ARK2N: variants seen among roughly 807,000 people sequenced by gnomAD.
The protein encoded by ARK2N is protein ARK2N.
the ARK2N span, among the ~76,000 whole-genome samples, chr18:46,254,766 A>G: frequency 2.0e-5 from 3 of 152,164 alleles, no homozygotes; most frequent in African/African-American, 4.8e-5. Flanking sequence ...TGAAAAGTCA[A>G]TACCTTTGCA....
the ARK2N span, among the ~76,000 whole-genome samples, chr18:46,198,773 A>G: frequency 6.6e-6 from 1 of 151,946 alleles, no homozygotes; most frequent in Non-Finnish European, 1.5e-5. Context: ...TAATTTTTGT[A>G]TTTTAAGTAG....
chr18:46,227,951 C>T, the ARK2N span, among the ~76,000 whole-genome samples: 1 of 151,908 alleles, frequency 6.6e-6, no homozygotes, highest in Non-Finnish European at 1.5e-5. Context: ...TTAATTTTGA[C>T]CAGTAGAGGT....
At chr18:46,177,228 A>G in the ARK2N span, among the ~76,000 whole-genome samples, 1 of 152,098 alleles carries the variant, frequency 6.6e-6, no homozygotes, top group Non-Finnish European at 1.5e-5. Context: ...GGGGAGAGCT[A>G]TATAGAAGGG....
chr18:46,215,574 G>T, the ARK2N span, among the ~76,000 whole-genome samples: 3 of 152,040 alleles, frequency 2.0e-5, no homozygotes, highest in African/African-American at 7.3e-5. Context: ...TTACATGTTG[G>T]CCTTTCAAGT....
At chr18:46,243,595 C>G in the ARK2N span, among the ~76,000 whole-genome samples, 2 of 152,052 alleles carry the variant, frequency 1.3e-5, no homozygotes, top group African/African-American at 2.4e-5. Flanking sequence ...AAAAGTAAGT[C>G]GAAATTAGAG....
At chr18:46,173,962 G>T in the ARK2N span, 2 of 152,234 alleles carry the variant, frequency 1.3e-5, no homozygotes, top group Non-Finnish European at 2.9e-5. Flanking sequence ...GGCCTCGGGC[G>T]CCAGTCTCCA....
the ARK2N span, among the ~76,000 whole-genome samples, chr18:46,206,761 C>G: frequency 2.0e-5 from 3 of 152,012 alleles, no homozygotes; most frequent in Non-Finnish European, 4.4e-5. Flanking sequence ...CCTCCTCTCT[C>G]TGCCATAGCC....
chr18:46,197,368 G>A, the ARK2N span, among the ~76,000 whole-genome samples: 1 of 152,012 alleles, frequency 6.6e-6, no homozygotes, highest in South Asian at 2.1e-4. Flanking sequence ...CCTAGTAGCT[G>A]GGATTACAGG....
the ARK2N span, among the ~76,000 whole-genome samples, chr18:46,231,566 C>CTTT: frequency 2.0e-5 from 2 of 100,776 alleles, no homozygotes; most frequent in African/African-American, 3.8e-5. Flanking sequence ...AGGTTTGGGG[C>CTTT]TTTTTTTTTT....
chr18:46,203,776 G>A, the ARK2N span, among the ~76,000 whole-genome samples: 1 of 152,160 alleles, frequency 6.6e-6, no homozygotes, highest in South Asian at 2.1e-4. Flanking sequence ...TAGTAGAGAT[G>A]GGGTTTTGCC....
At chr18:46,216,469 A>G in the ARK2N span, 6 of 1,614,176 alleles carry the variant, frequency 3.7e-6, no homozygotes, top group Non-Finnish European at 5.1e-6. The surrounding 1 kb of genome is among the most constrained non-coding windows in gnomAD (Gnocchi z 4.3). Context: ...TGCAAGGAAG[A>G]AATATAACCT....
chr18:46,201,934 C>A, the ARK2N span, among the ~76,000 whole-genome samples: 1 of 151,918 alleles, frequency 6.6e-6, no homozygotes, highest in African/African-American at 2.4e-5. Context: ...GGCGCCATTA[C>A]GCCTGGCTAA....
At chr18:46,199,482 AT>A in the ARK2N span, among the ~76,000 whole-genome samples, 46,921 of 82,320 alleles carry the variant, frequency 0.57, 13,553 homozygotes, top group Non-Finnish European at 0.67. Flanking sequence ...CACCCAGCTC[AT>A]TTTTTTTTTT....
At chr18:46,235,513 G>A in the ARK2N span, among the ~76,000 whole-genome samples, 4 of 152,210 alleles carry the variant, frequency 2.6e-5, no homozygotes, top group East Asian at 1.9e-4. Context: ...CTTTGTTAAC[G>A]TCTTCTTTAA....
the ARK2N span, among the ~76,000 whole-genome samples, chr18:46,245,984 A>G: frequency 8.4e-3 from 1,272 of 150,846 alleles, 52 homozygotes; most frequent in East Asian, 0.12. Flanking sequence ...CCAAAGACCT[A>G]CACAGGCAGA....
chr18:46,213,521 G>C, the ARK2N span, among the ~76,000 whole-genome samples: 3 of 151,924 alleles, frequency 2.0e-5, no homozygotes, highest in African/African-American at 7.3e-5. Context: ...AACGGTCTCC[G>C]TTGGTTTAAC....
the ARK2N span, among the ~76,000 whole-genome samples, chr18:46,229,986 G>A: frequency 6.6e-6 from 1 of 152,062 alleles, no homozygotes; most frequent in Non-Finnish European, 1.5e-5. Flanking sequence ...TAGTGCAATG[G>A]CACGATCTTG....
chr18:46,202,890 A>C, the ARK2N span, among the ~76,000 whole-genome samples: 1 of 152,138 alleles, frequency 6.6e-6, no homozygotes, highest in African/African-American at 2.4e-5. Context: ...AAATATGTAG[A>C]TCATGTATCT....
the ARK2N span, among the ~76,000 whole-genome samples, chr18:46,226,764 A>G: frequency 3.3e-5 from 5 of 151,730 alleles, no homozygotes; most frequent in Admixed American, 6.6e-5. Flanking sequence ...AAGTTTGCTG[A>G]CACTAAGTGG....
Sources: allele counts gnomAD v4.1 joint callset (sites outside exome capture counted in the v4.1 genomes callset), GRCh38; gene constraint gnomAD v4.1.1; non-coding constraint Gnocchi (gnomAD v3.1); transcripts MANE v1.5; gene names NCBI Gene and HGNC (gene_info 2026-07-23, HGNC 2026-07-21).